The following AK4 variants were observed in gnomAD, a reference collection of about 807,000 sequenced individuals.
The protein encoded by AK4 is adenylate kinase 4, mitochondrial.
A neutral mutation model predicts 24.6 loss-of-function variants in AK4; 13 were observed. The observed-to-expected ratio is 0.53, with a 90% CI of 0.34 to 0.84. AK4 has a LOEUF of 0.84. Ranked by LOEUF, AK4 falls within the 40% of genes least tolerant of loss-of-function variation. AK4 has a pLI of 0.01. For synonymous variants in AK4, 88 were observed against 107.0 expected, an observed-to-expected ratio of 0.82 and a Z score of 1.10; for missense variants, 192 against 288.2, an observed-to-expected ratio of 0.67 and a Z score of 2.42.
chr1:65,181,261 T>C (rs1429678548), intron 1 of AK4, among the ~76,000 whole-genome samples: 1 of 151,926 alleles, frequency 6.6e-6, no homozygotes, highest in East Asian at 1.9e-4. Context: ...CCTCCAGCAC[T>C]ATCCTGCATC....
intron 1 of AK4, among the ~76,000 whole-genome samples, chr1:65,178,711 G>A (rs763937686): frequency 2.6e-5 from 4 of 152,144 alleles, no homozygotes; most frequent in Non-Finnish European, 5.9e-5. Flanking sequence ...TGGACCTGAG[G>A]TCAGATTGGG....
chr1:65,226,493 T>A lies in AK4; in HGVS notation c.*316T>A, dbSNP rs535445655. On this transcript the variant is annotated 3_prime_UTR_variant, in exon 5 of 5. Coordinates refer to ENST00000327299, the MANE Select transcript of AK4 (RefSeq NM_013410.4). ...CCAGCTGGTTTTTGACAGCTGTTGC[T>A]GTGGTAATATTTTTGACATGTGATG... 2.1e-4 allele frequency: 49 copies of A among 228,292 alleles called. No homozygotes were observed. Among genetic ancestry groups the A allele is most frequent in the Non-Finnish European group, 3.9e-4 (45 of 116,862 alleles). 14.1% of individuals were successfully genotyped at this position (228,292 alleles called of 1,614,324 possible). A position where few individuals can be genotyped will look rare whatever the true frequency, so the allele number is the denominator to read the frequency against.
chr1:65,198,940 G>A (rs570295913), intron 2 of AK4, among the ~76,000 whole-genome samples: 11 of 151,956 alleles, frequency 7.2e-5, no homozygotes, highest in Admixed American at 3.9e-4. Flanking sequence ...ACCTGGGCAT[G>A]GTGGTGCATG....
At chr1:65,174,435 C>A (rs555359989) in intron 1 of AK4, among the ~76,000 whole-genome samples, 1 of 152,100 alleles carries the variant, frequency 6.6e-6, no homozygotes, top group Non-Finnish European at 1.5e-5. Context: ...AAAGACAGAT[C>A]CTCGAGTGTC....
intron 2 of AK4, among the ~76,000 whole-genome samples, chr1:65,192,624 A>G (rs192516141): frequency 1.5e-4 from 23 of 152,330 alleles, no homozygotes; most frequent in Non-Finnish European, 4.4e-5. Flanking sequence ...AGTCCAAGCT[A>G]AATCAGACAT....
intron 1 of AK4, among the ~76,000 whole-genome samples, chr1:65,167,842 C>A (rs1255197876): frequency 6.6e-6 from 1 of 152,140 alleles, no homozygotes; most frequent in African/African-American, 2.4e-5. Context: ...AAAGCCAGCC[C>A]CTTGAAACTG....
At chr1:65,216,460 C>G (rs1393661131) in intron 2 of AK4, among the ~76,000 whole-genome samples, 2 of 152,074 alleles carry the variant, frequency 1.3e-5, no homozygotes, top group Admixed American at 6.6e-5. Context: ...TGAGCCAAGC[C>G]CTCCCTGCCT....
At chr1:65,163,919 C>A (rs1650249897) in intron 1 of AK4, among the ~76,000 whole-genome samples, 2 of 151,872 alleles carry the variant, frequency 1.3e-5, no homozygotes, top group African/African-American at 4.8e-5. Context: ...GATGGCAGAA[C>A]TTGTTGAGCC....
chr1:65,153,416 T>C (rs1173146774), intron 1 of AK4, among the ~76,000 whole-genome samples: 1 of 152,256 alleles, frequency 6.6e-6, no homozygotes, highest in East Asian at 1.9e-4. Flanking sequence ...GCTACAGGCA[T>C]GCACCACCAT....
chr1:65,172,743 G>A (rs1359766349), intron 1 of AK4, among the ~76,000 whole-genome samples: 1 of 151,570 alleles, frequency 6.6e-6, no homozygotes, highest in African/African-American at 2.4e-5. Flanking sequence ...TTATCAGCTC[G>A]TTCTTAGATT....
intron 1 of AK4, among the ~76,000 whole-genome samples, chr1:65,185,828 T>C (rs1204538287): frequency 6.6e-6 from 1 of 152,102 alleles, no homozygotes; most frequent in Non-Finnish European, 1.5e-5. Context: ...TTGGTCAGGC[T>C]GGTCTCAAAC....
At chr1:65,175,909 C>A (rs2375596) in intron 1 of AK4, among the ~76,000 whole-genome samples, 63,143 of 151,946 alleles carry the variant, frequency 0.42, 14,128 homozygotes, top group East Asian at 0.67. Context: ...TATATAAAGC[C>A]GCGTGTGGTA....
intron 1 of AK4, among the ~76,000 whole-genome samples, chr1:65,186,106 C>T (rs1651090779): frequency 1.3e-5 from 2 of 152,062 alleles, no homozygotes; most frequent in African/African-American, 4.8e-5. Context: ...ATTCATGCAA[C>T]ATATTTTTTA....
At chr1:65,204,786 C>G (rs1651766078) in intron 2 of AK4, among the ~76,000 whole-genome samples, 1 of 152,156 alleles carries the variant, frequency 6.6e-6, no homozygotes, top group South Asian at 2.1e-4. Flanking sequence ...TGGCTTTTGT[C>G]ATTAAAAATT....
chr1:65,179,052 G>A (rs1365449707), intron 1 of AK4, among the ~76,000 whole-genome samples: 1 of 152,116 alleles, frequency 6.6e-6, no homozygotes, highest in Admixed American at 6.5e-5. Flanking sequence ...GGAGGGAGAG[G>A]GTCTGGGAGA....
At chr1:65,151,511 GA>G (rs1226890769) in intron 1 of AK4, among the ~76,000 whole-genome samples, 1 of 152,176 alleles carries the variant, frequency 6.6e-6, no homozygotes, top group Non-Finnish European at 1.5e-5. Flanking sequence ...AAAATGTTGG[GA>G]TTACAGGTGT....
intron 1 of AK4, among the ~76,000 whole-genome samples, chr1:65,159,627 T>A (rs1208351290): frequency 6.6e-6 from 1 of 151,980 alleles, no homozygotes; most frequent in Non-Finnish European, 1.5e-5. Flanking sequence ...GAGCTGTGTT[T>A]GAGCCACTGC....
intron 2 of AK4, among the ~76,000 whole-genome samples, chr1:65,193,881 C>A (rs1464665273): frequency 6.6e-6 from 1 of 152,174 alleles, no homozygotes; most frequent in Non-Finnish European, 1.5e-5. Context: ...CTGAGGTGGG[C>A]AGATCACTTG....
chr1:65,213,485 G>GA (rs1210307286), intron 2 of AK4, among the ~76,000 whole-genome samples: 9 of 152,096 alleles, frequency 5.9e-5, no homozygotes, highest in Admixed American at 2.6e-4. Context: ...CAAGCTCTTA[G>GA]AAAAAACCCA....
Sources: allele counts gnomAD v4.1 joint callset (sites outside exome capture counted in the v4.1 genomes callset), GRCh38; gene constraint gnomAD v4.1.1; transcripts MANE v1.5; gene names NCBI Gene and HGNC (gene_info 2026-07-23, HGNC 2026-07-21).